Variants in PIK3CB observed in about 807,000 individuals in gnomAD.
PIK3CB encodes phosphatidylinositol-4,5-bisphosphate 3-kinase catalytic subunit beta, also known as phosphatidylinositol 4,5-bisphosphate 3-kinase catalytic subunit beta isoform.
Under a neutral mutation model 136.8 loss-of-function variants are expected in PIK3CB, and 39 were observed. The ratio of observed to expected loss-of-function variants is 0.29; its 90% CI spans 0.22 to 0.37. PIK3CB has a LOEUF of 0.37. PIK3CB is among the 10% of genes least tolerant of loss of function. The pLI is 1.00. For synonymous variants in PIK3CB, 428 were observed against 436.6 expected (o/e 0.98, Z 0.25); for missense variants, 868 against 1,275.4 (o/e 0.68, Z 4.87).
chr3:138,715,149 C>A (rs372484790), intron 8 of PIK3CB, among the ~76,000 whole-genome samples: 22 of 152,256 alleles, frequency 1.4e-4, no homozygotes, highest in African/African-American at 4.6e-4. Flanking sequence ...GATGAGATGG[C>A]TCCAAAGTTT....
chr3:138,679,936 T>TAAAAAAAAAAAAAAAA (rs61222749), intron 19 of PIK3CB, among the ~76,000 whole-genome samples: 1 of 110,848 alleles, frequency 9.0e-6, no homozygotes, highest in African/African-American at 3.5e-5. Context: ...AACACAAAAG[T>TAAAAAAAAAAAAAAAA]AAAAAAAAAA....
intron 2 of PIK3CB, among the ~76,000 whole-genome samples, chr3:138,790,544 C>T (rs2046036248): frequency 1.3e-5 from 2 of 150,506 alleles, no homozygotes; most frequent in African/African-American, 2.4e-5. Flanking sequence ...GTGGCTCATG[C>T]CTGGAAGCCC....
At chr3:138,779,307 TG>T (rs1338086756) in intron 2 of PIK3CB, among the ~76,000 whole-genome samples, 2 of 151,554 alleles carry the variant, frequency 1.3e-5, no homozygotes, top group Non-Finnish European at 2.9e-5. Flanking sequence ...AGGATGGTCT[TG>T]ATCTCCTGAC....
intron 21 of PIK3CB, among the ~76,000 whole-genome samples, chr3:138,659,866 CTTTTTTTTTTTTTTTTTT>C (rs56255742): frequency 9.1e-4 from 69 of 75,456 alleles, no homozygotes; most frequent in African/African-American, 3.8e-3. Context: ...CTTTCCTCTT[CTTTTTTTTTTTTTTTTTT>C]TTTTTTTTTG....
chr3:138,689,321 G>GCTGGTC, intron 15 of PIK3CB, among the ~76,000 whole-genome samples: 1 of 152,244 alleles, frequency 6.6e-6, no homozygotes, highest in Non-Finnish European at 1.5e-5. Flanking sequence ...AGAAGGAAAT[G>GCTGGTC]CTGGTCCCTC....
intron 6 of PIK3CB, among the ~76,000 whole-genome samples, chr3:138,737,025 G>A (rs1252854781): frequency 1.3e-5 from 2 of 151,984 alleles, no homozygotes; most frequent in African/African-American, 4.8e-5. Flanking sequence ...GAAATAGAAA[G>A]CAGCTATAAG....
intron 19 of PIK3CB, among the ~76,000 whole-genome samples, chr3:138,676,836 G>C (rs546267801): frequency 6.6e-6 from 1 of 152,250 alleles, no homozygotes; most frequent in South Asian, 2.1e-4. Flanking sequence ...GAATTGGAGT[G>C]GTTTCAGGGA....
chr3:138,711,345 C>T (rs997102593), intron 10 of PIK3CB, among the ~76,000 whole-genome samples: 14 of 151,744 alleles, frequency 9.2e-5, no homozygotes, highest in African/African-American at 2.7e-4. Flanking sequence ...TTGGGATGGC[C>T]GAGGTGGGCG....
At chr3:138,814,864 G>A (rs868361613) in intron 1 of PIK3CB, among the ~76,000 whole-genome samples, 4 of 151,828 alleles carry the variant, frequency 2.6e-5, no homozygotes, top group East Asian at 1.9e-4. Context: ...TTGGCCAGGC[G>A]CGGTGGCTCA....
At chr3:138,804,956 C>T (rs998292102) in intron 1 of PIK3CB, among the ~76,000 whole-genome samples, 8 of 151,894 alleles carry the variant, frequency 5.3e-5, no homozygotes, top group South Asian at 2.1e-4. Context: ...ACCCGGGAGG[C>T]GGAGCTTGCA....
chr3:138,688,272 C>T (rs977382303), intron 16 of PIK3CB, among the ~76,000 whole-genome samples: 7 of 151,744 alleles, frequency 4.6e-5, no homozygotes, highest in Non-Finnish European at 8.8e-5. Context: ...GAGGCCGAGG[C>T]GGGCGGATCA....
At chr3:138,825,426 C>A in intron 1 of PIK3CB, 1 of 678,136 alleles carries the variant, frequency 1.5e-6, no homozygotes, top group Non-Finnish European at 2.6e-6. Flanking sequence ...CTGAGCCACC[C>A]TACAGCCAAT....
chr3:138,660,898 A>C (rs2043284145), intron 21 of PIK3CB, among the ~76,000 whole-genome samples: 1 of 152,220 alleles, frequency 6.6e-6, no homozygotes, highest in Non-Finnish European at 1.5e-5. Context: ...AGCTGAATGA[A>C]AATTCTATGT....
intron 2 of PIK3CB, among the ~76,000 whole-genome samples, chr3:138,783,363 C>T (rs559708115): frequency 2.3e-4 from 35 of 151,770 alleles, no homozygotes; most frequent in Admixed American, 1.7e-3. Flanking sequence ...TTCACTGCAT[C>T]GTCAACCTCT....
chr3:138,798,949 C>A (rs2046139441), intron 1 of PIK3CB, among the ~76,000 whole-genome samples: 1 of 152,044 alleles, frequency 6.6e-6, no homozygotes, highest in Admixed American at 6.6e-5. Context: ...CCTCACCAAG[C>A]CAGGCACAGA....
At chr3:138,799,509 T>G (rs2046148164) in intron 1 of PIK3CB, among the ~76,000 whole-genome samples, 1 of 152,046 alleles carries the variant, frequency 6.6e-6, no homozygotes, top group Admixed American at 6.6e-5. Flanking sequence ...ACAGCATAAA[T>G]CATATCACTG....
Position 138,742,564 on chromosome 3 carries a change from G to A in PIK3CB, c.615C>T (p.Asn205=), listed in dbSNP as rs1365177187. 1.3e-6 allele frequency: 2 copies of A among 1,486,388 alleles called. No individual in the cohort carries two copies. The highest frequency in any genetic ancestry group is 1.9e-6 in the Non-Finnish European group (2 of 1,078,302). The allele number at this position is 1,486,388 out of a possible 1,614,324, so 92.1% of individuals were successfully genotyped here. Reference sequence around the variant, plus strand: ...TAAAAAAATATAATCCTACCTGGCAGTTTTCAAAATGAACAGCTACGATGA... The same window carrying A: ...TAAAAAAATATAATCCTACCTGGCAATTTTCAAAATGAACAGCTACGATGA... ...GKLIVAVHFE[N]CQDVFSFQVS... Residue 205 remains asparagine (N), a synonymous_variant, in exon 5 of 24, where the codon AAC becomes AAT. Coordinates refer to ENST00000674063, the MANE Select transcript of PIK3CB (RefSeq NM_006219.3).
intron 1 of PIK3CB, among the ~76,000 whole-genome samples, chr3:138,806,996 A>G (rs2046241354): frequency 6.6e-6 from 1 of 152,248 alleles, no homozygotes; most frequent in Non-Finnish European, 1.5e-5. Context: ...TTATATGCAT[A>G]CATATGGATG....
intron 8 of PIK3CB, among the ~76,000 whole-genome samples, chr3:138,730,949 A>G (rs2044959544): frequency 6.6e-6 from 1 of 152,082 alleles, no homozygotes; most frequent in Non-Finnish European, 1.5e-5. Flanking sequence ...AATTTTTTTA[A>G]AAAAAGAATA....
Sources: gnomAD v4.1 joint callset for allele counts (sites outside exome capture counted in the v4.1 genomes callset) on GRCh38, gnomAD v4.1.1 for gene constraint, MANE v1.5 for transcripts, NCBI Gene and HGNC (gene_info 2026-07-23, HGNC 2026-07-21) for gene names.